Variants in ALDH1L1 observed in about 807,000 individuals in gnomAD.
The protein encoded by ALDH1L1 is cytosolic 10-formyltetrahydrofolate dehydrogenase.
Under a neutral mutation model 101.1 loss-of-function variants are expected in ALDH1L1, and 68 were observed. The ratio of observed to expected loss-of-function variants is 0.67; its 90% CI spans 0.55 to 0.82. ALDH1L1 has a LOEUF of 0.82. Among genes scored for constraint, ALDH1L1 ranks in the 40% least tolerant of loss-of-function variants. The pLI is 0.00. For synonymous variants in ALDH1L1, 486 were observed against 470.8 expected (o/e 1.03, Z -0.42); for missense variants, 1,087 against 1,172.7 (o/e 0.93, Z 1.07).
chr3:126,173,382 C>T (rs1178530267), intron 1 of ALDH1L1, among the ~76,000 whole-genome samples: 1 of 152,050 alleles, frequency 6.6e-6, no homozygotes, highest in Non-Finnish European at 1.5e-5. Context: ...TATTCAAAAG[C>T]AGACTTAAAT....
intron 13 of ALDH1L1, among the ~76,000 whole-genome samples, chr3:126,130,667 C>T (rs2080282403): frequency 6.6e-6 from 1 of 152,196 alleles, no homozygotes; most frequent in Non-Finnish European, 1.5e-5. Flanking sequence ...TACACAGCTG[C>T]GGAGTAGGGG....
intron 5 of ALDH1L1, 41 bp from the exon 6 acceptor site, chr3:126,154,684 C>A (rs773588725): frequency 6.3e-7 from 1 of 1,576,674 alleles, no homozygotes. Flanking sequence ...GGTCTCTCCT[C>A]ACTCCCCTCC....
intron 5 of ALDH1L1, 92 bp from the exon 6 acceptor site, chr3:126,154,735 G>C: frequency 8.3e-7 from 1 of 1,197,784 alleles, no homozygotes; most frequent in Non-Finnish European, 1.2e-6. Context: ...GCTCTTGTGA[G>C]ACAGCTGGTA....
intron 1 of ALDH1L1, among the ~76,000 whole-genome samples, chr3:126,164,573 G>A (rs986166506): frequency 2.6e-5 from 4 of 152,318 alleles, no homozygotes; most frequent in Middle Eastern, 3.4e-3. Context: ...TTATGGTTGT[G>A]TAATATTCCA....
At chr3:126,126,755 G>A (rs2080195209) in intron 14 of ALDH1L1, among the ~76,000 whole-genome samples, 8 of 152,192 alleles carry the variant, frequency 5.3e-5, no homozygotes, top group Admixed American at 5.2e-4. Context: ...TCCCCAATTC[G>A]TATGCTGAAG....
chr3:126,163,486 G>T (rs1417197397), intron 1 of ALDH1L1, among the ~76,000 whole-genome samples: 3 of 152,120 alleles, frequency 2.0e-5, no homozygotes, highest in African/African-American at 7.2e-5. Flanking sequence ...AATACAGATG[G>T]TGATAGTAGT....
At chr3:126,118,563 T>A (rs1026310210) in intron 16 of ALDH1L1, among the ~76,000 whole-genome samples, 1 of 152,030 alleles carries the variant, frequency 6.6e-6, no homozygotes, top group African/African-American at 2.4e-5. Flanking sequence ...AACTGAGAGA[T>A]GATAACCATC....
upstream of ALDH1L1, among the ~76,000 whole-genome samples, chr3:126,183,291 T>C (rs142090507): frequency 4.4e-3 from 665 of 152,206 alleles, 6 homozygotes; most frequent in African/African-American, 0.015. Context: ...TGAACCTCAG[T>C]GAGATCTACA....
intron 16 of ALDH1L1, among the ~76,000 whole-genome samples, chr3:126,122,907 G>GA (rs1437660914): frequency 6.6e-6 from 1 of 151,994 alleles, no homozygotes; most frequent in African/African-American, 2.4e-5. Context: ...GAAACAGAGG[G>GA]AAAAAAGACA....
chr3:126,127,462 T>G (rs2108226722), intron 14 of ALDH1L1, among the ~76,000 whole-genome samples: 1 of 152,264 alleles, frequency 6.6e-6, no homozygotes, highest in South Asian at 2.1e-4. Flanking sequence ...CTCTGCCCTC[T>G]GACGCTCCTG....
intron 19 of ALDH1L1, among the ~76,000 whole-genome samples, chr3:126,112,215 C>A (rs749917801): frequency 6.6e-6 from 1 of 152,216 alleles, no homozygotes; most frequent in African/African-American, 2.4e-5. Context: ...CCTGTGCCCA[C>A]CAGATCCCCG....
chr3:126,195,628 T>C (rs942083170), intron 1 of ALDH1L1, among the ~76,000 whole-genome samples: 2 of 152,220 alleles, frequency 1.3e-5, no homozygotes, highest in Non-Finnish European at 2.9e-5. Context: ...ACCCAAAGGA[T>C]TATAAATCAT....
intron 2 of ALDH1L1, chr3:126,159,326 C>T (rs2080990950): frequency 2.4e-6 from 1 of 417,748 alleles, no homozygotes; most frequent in Admixed American, 2.6e-5. Context: ...GTCTGGATTA[C>T]AGGCCCAAGC....
intron 13 of ALDH1L1, 126 bp downstream of exon 13, chr3:126,131,258 C>G (rs4646733): frequency 8.1e-7 from 1 of 1,233,848 alleles, no homozygotes; most frequent in Admixed American, 2.5e-5. Context: ...AAACAGGTGT[C>G]ATTCCAAGCC....
intron 1 of ALDH1L1, among the ~76,000 whole-genome samples, chr3:126,195,983 G>A (rs1294612399): frequency 6.6e-6 from 1 of 152,074 alleles, no homozygotes; most frequent in African/African-American, 2.4e-5. Flanking sequence ...AAGAGGGGAG[G>A]GAAAGCATTA....
chr3:126,154,735 G>A (rs2080872130), intron 5 of ALDH1L1, 92 bp from the exon 6 acceptor site: 1 of 1,197,664 alleles, frequency 8.3e-7, no homozygotes, highest in Non-Finnish European at 1.2e-6. Context: ...GCTCTTGTGA[G>A]ACAGCTGGTA....
At chr3:126,140,655 A>G (rs1559944160) in intron 9 of ALDH1L1, among the ~76,000 whole-genome samples, 1 of 152,094 alleles carries the variant, frequency 6.6e-6, no homozygotes, top group Non-Finnish European at 1.5e-5. Context: ...ATAAAGGGGA[A>G]GGAAAAGAGA....
chr3:126,136,810 G>T lies in ALDH1L1; in HGVS notation c.1298C>A (p.Ala433Asp), dbSNP rs776394315. 6.2e-7 allele frequency: 1 copy of T among 1,601,984 alleles called. No individual in the cohort carries two copies. Among genetic ancestry groups the T allele is most frequent in the Non-Finnish European group, 8.5e-7 (1 of 1,174,192 alleles). ...QLFIGGEFVD[A>D]EGAKTSETIN... ...GGTCTCAGAGGTCTTGGCGCCCTCG[G>T]CATCCACGAACTCCCCCCCAATGAA... Residue 433 changes from alanine to aspartate, a missense_variant, in exon 11 of 23, where the codon GCC becomes GAC. Transcript: ENST00000393434.
chr3:126,138,331 A>C (rs1259604526), intron 9 of ALDH1L1, among the ~76,000 whole-genome samples: 1 of 152,228 alleles, frequency 6.6e-6, no homozygotes, highest in Non-Finnish European at 1.5e-5. Flanking sequence ...ATCTCTGTTA[A>C]AAGAATGAAA....
Sources: gnomAD v4.1 joint callset for allele counts (sites outside exome capture counted in the v4.1 genomes callset) on GRCh38, gnomAD v4.1.1 for gene constraint, MANE v1.5 for transcripts, NCBI Gene and HGNC (gene_info 2026-07-23, HGNC 2026-07-21) for gene names.